ATXN1: variants seen among roughly 807,000 people sequenced by gnomAD.
The protein encoded by ATXN1 is ataxin-1.
In ATXN1, 8 loss-of-function variants were observed where a neutral mutation model predicts 56.4. The ratio of observed to expected loss-of-function variants is 0.14; its 90% CI spans 0.08 to 0.26. The LOEUF (loss-of-function observed/expected upper bound fraction) is 0.26. ATXN1 is among the 10% of genes least tolerant of loss of function. ATXN1 has a pLI of 1.00. For missense variants in ATXN1, 987 were observed against 1,106.5 expected (o/e 0.89, Z 1.53); for synonymous variants, 514 against 494.6 (o/e 1.04, Z -0.52).
chr6:16,741,922 A>G (rs866981600), intron 2 of ATXN1, among the ~76,000 whole-genome samples: 16 of 152,318 alleles, frequency 1.1e-4, no homozygotes, highest in South Asian at 4.1e-4. Context: ...GAGATGGAAA[A>G]AAAATATAAC....
chr6:16,316,194 CT>C (rs1760505032), intron 7 of ATXN1, among the ~76,000 whole-genome samples: 1 of 152,202 alleles, frequency 6.6e-6, no homozygotes, highest in Admixed American at 6.5e-5. Context: ...TTGTGCACTC[CT>C]TATGAGAATC....
rs1248446183 is a variant in ATXN1 at position 16,695,391 on chromosome 6, T to TAGAAGCAGAGAAGCAG, written c.-614-37491_-614-37490insCTGCTTCTCTGCTTCT. ...AATTCCATAGCTCCTCCTCCTGCAGTAGAAGCAGAAGTAGCAGAGCTGGCA... is the reference window on the plus strand; with the variant it reads ...AATTCCATAGCTCCTCCTCCTGCAGTAGAAGCAGAGAAGCAGAGAAGCAGAAGTAGCAGAGCTGGCA... On this transcript the variant is annotated intron_variant, in intron 2 of 7. Transcript: ENST00000436367. Among the ~76,000 whole-genome samples the TAGAAGCAGAGAAGCAG allele has an allele frequency of 2.0e-5, 3 of 152,170 alleles. No individual in the cohort carries two copies. The East Asian group carries it at 5.8e-4, about 29-fold the overall frequency.
At chr6:16,654,776 C>A (rs530232803) in intron 3 of ATXN1, among the ~76,000 whole-genome samples, 1 of 152,230 alleles carries the variant, frequency 6.6e-6, no homozygotes, top group East Asian at 1.9e-4. Flanking sequence ...CACCAGCAAA[C>A]AGGTAAAGAG....
At chr6:16,582,650 A>G (rs1762550594) in intron 4 of ATXN1, among the ~76,000 whole-genome samples, 1 of 152,128 alleles carries the variant, frequency 6.6e-6, no homozygotes, top group Non-Finnish European at 1.5e-5. Context: ...ACAACCAAAA[A>G]CTGCTGACCA....
chr6:16,556,162 T>C (rs1467529794), intron 4 of ATXN1, among the ~76,000 whole-genome samples: 1 of 152,228 alleles, frequency 6.6e-6, no homozygotes, highest in Non-Finnish European at 1.5e-5. Flanking sequence ...AGACTCTTTA[T>C]CATTTTGGTT....
intron 5 of ATXN1, among the ~76,000 whole-genome samples, chr6:16,489,296 T>C (rs961848801): frequency 9.1e-4 from 139 of 152,280 alleles, no homozygotes; most frequent in African/African-American, 3.2e-3. Context: ...TCCAAAAGAA[T>C]CACCAGTCTA....
At chr6:16,520,251 GTA>G (rs957864346) in intron 5 of ATXN1, among the ~76,000 whole-genome samples, 3 of 152,154 alleles carry the variant, frequency 2.0e-5, no homozygotes, top group African/African-American at 7.2e-5. Flanking sequence ...GTTTTACAAG[GTA>G]TATATGCATG....
intron 6 of ATXN1, among the ~76,000 whole-genome samples, chr6:16,457,662 T>C (rs1759905724): frequency 1.3e-5 from 2 of 152,182 alleles, no homozygotes; most frequent in South Asian, 4.1e-4. Context: ...AAATACCTTA[T>C]GTCCAAGCTT....
chr6:16,541,766 A>G (rs1761718207), intron 4 of ATXN1, among the ~76,000 whole-genome samples: 1 of 152,200 alleles, frequency 6.6e-6, no homozygotes, highest in Non-Finnish European at 1.5e-5. Flanking sequence ...GAGGCCTCTA[A>G]GAGCTTTCAG....
intron 2 of ATXN1, among the ~76,000 whole-genome samples, chr6:16,743,677 T>G (rs184149339): frequency 2.2e-4 from 33 of 152,112 alleles, no homozygotes; most frequent in African/African-American, 7.5e-4. Flanking sequence ...CCAGAAAAGG[T>G]AGCAAATAAC....
At chr6:16,375,357 A>G (rs1216660123) in intron 6 of ATXN1, among the ~76,000 whole-genome samples, 1 of 152,238 alleles carries the variant, frequency 6.6e-6, no homozygotes, top group Non-Finnish European at 1.5e-5. Flanking sequence ...TTAGAATCCA[A>G]AGCAAATATC....
At chr6:16,467,202 T>C (rs946609621) in intron 6 of ATXN1, among the ~76,000 whole-genome samples, 4 of 152,254 alleles carry the variant, frequency 2.6e-5, no homozygotes, top group African/African-American at 9.6e-5. Context: ...CTGGAGGCGC[T>C]TTCTTGATTA....
At chr6:16,610,147 C>T (rs1281463227) in intron 3 of ATXN1, among the ~76,000 whole-genome samples, 1 of 151,676 alleles carries the variant, frequency 6.6e-6, no homozygotes, top group African/African-American at 2.4e-5. Flanking sequence ...AAGTAGGAAG[C>T]CAACATAGAG....
At chr6:16,524,372 G>C (rs976953237) in intron 4 of ATXN1, among the ~76,000 whole-genome samples, 5 of 152,196 alleles carry the variant, frequency 3.3e-5, no homozygotes, top group Admixed American at 2.6e-4. Flanking sequence ...CAAAATCTCT[G>C]AGTATCTTCT....
At chr6:16,452,544 A>C (rs910159149) in intron 6 of ATXN1, among the ~76,000 whole-genome samples, 1 of 152,252 alleles carries the variant, frequency 6.6e-6, no homozygotes, top group Non-Finnish European at 1.5e-5. Context: ...GTGAATCAAA[A>C]CCAGAGTAGA....
chr6:16,480,655 AGAG>A (rs935722790), intron 6 of ATXN1, among the ~76,000 whole-genome samples: 1 of 152,176 alleles, frequency 6.6e-6, no homozygotes, highest in Non-Finnish European at 1.5e-5. Flanking sequence ...CTAAACTTAA[AGAG>A]GACACAAAAG....
chr6:16,568,005 C>T (rs188803858), intron 4 of ATXN1, among the ~76,000 whole-genome samples: 9 of 152,246 alleles, frequency 5.9e-5, no homozygotes, highest in Non-Finnish European at 7.4e-5. Flanking sequence ...GAATTATAAA[C>T]GTCAGAGCTC....
chr6:16,727,463 G>C (rs1759874905), intron 2 of ATXN1, among the ~76,000 whole-genome samples: 1 of 151,988 alleles, frequency 6.6e-6, no homozygotes, highest in African/African-American at 2.4e-5. Context: ...AAGAAAACAA[G>C]TCCAAATTAC....
chr6:16,379,442 C>T (rs1223517216), intron 6 of ATXN1, among the ~76,000 whole-genome samples: 1 of 152,150 alleles, frequency 6.6e-6, no homozygotes, highest in Non-Finnish European at 1.5e-5. Flanking sequence ...TATTATTATG[C>T]CACTTATTTT....
Sources: allele counts gnomAD v4.1 joint callset (sites outside exome capture counted in the v4.1 genomes callset), GRCh38; gene constraint gnomAD v4.1.1; transcripts MANE v1.5; gene names NCBI Gene and HGNC (gene_info 2026-07-23, HGNC 2026-07-21).